CTNNA2: variants seen among roughly 807,000 people sequenced by gnomAD.
CTNNA2 encodes catenin alpha-2.
A neutral mutation model predicts 101.0 loss-of-function variants in CTNNA2; 42 were observed. The ratio of observed to expected loss-of-function variants is 0.42; its 90% CI spans 0.32 to 0.54. The LOEUF (loss-of-function observed/expected upper bound fraction) is 0.54, where lower values mean the gene tolerates loss of function less well. CTNNA2 is among the 20% of genes least tolerant of loss of function. The pLI is 0.14. For missense variants in CTNNA2, 871 were observed against 1,223.1 expected, an observed-to-expected ratio of 0.71 and a Z score of 4.29; for synonymous variants, 450 against 456.4, an observed-to-expected ratio of 0.99 and a Z score of 0.18.
chr2:79,467,673 G>T (rs1670954406), intron 4 of CTNNA2, among the ~76,000 whole-genome samples: 1 of 152,180 alleles, frequency 6.6e-6, no homozygotes, highest in South Asian at 2.1e-4. Context: ...ACTAAGAGCG[G>T]ATCTCTCAGC....
intron 2 of CTNNA2, among the ~76,000 whole-genome samples, chr2:79,251,729 C>A (rs1674772904): frequency 6.6e-6 from 1 of 152,028 alleles, no homozygotes; most frequent in African/African-American, 2.4e-5. Context: ...CTGGGTCCTC[C>A]CCAACTTGGG....
chr2:80,264,954 A>T lies in CTNNA2; in HGVS notation c.1057-128257A>T, dbSNP rs1201158447. Among the ~76,000 whole-genome samples, 5 of 141,196 alleles carry T rather than the reference A, an allele frequency of 3.5e-5. 1 individual carries two copies. The East Asian group carries it at 8.7e-4, about 25-fold the overall frequency. 92.6% of individuals were successfully genotyped at this position (141,196 alleles called of 152,430 possible). ...GACTTTAGTTTATCAATGAGAAAGG[A>T]TAGGGAAGGATAGGGAAGAGGTGTT... On this transcript the variant is annotated intron_variant, in intron 7 of 18. Coordinates refer to ENST00000402739, the MANE Select transcript of CTNNA2 (RefSeq NM_001282597.3).
At chr2:79,380,240 G>A (rs6713159) in intron 4 of CTNNA2, among the ~76,000 whole-genome samples, 113,684 of 151,368 alleles carry the variant, frequency 0.75, 42,979 homozygotes, top group South Asian at 0.83. Flanking sequence ...TAGGGTTGAA[G>A]ATTTTCTGTT....
chr2:80,366,434 A>C (rs1674941122), intron 7 of CTNNA2, among the ~76,000 whole-genome samples: 1 of 152,066 alleles, frequency 6.6e-6, no homozygotes, highest in African/African-American at 2.4e-5. Context: ...GTATGCATGC[A>C]TTTGTTTGTA....
intron 3 of CTNNA2, among the ~76,000 whole-genome samples, chr2:79,372,495 C>A (rs1411734791): frequency 1.3e-5 from 2 of 152,048 alleles, no homozygotes. Flanking sequence ...GCATGTACTT[C>A]TTTATTTTCT....
At chr2:79,642,427 C>T (rs1485405587) in intron 1 of CTNNA2, among the ~76,000 whole-genome samples, 1 of 152,202 alleles carries the variant, frequency 6.6e-6, no homozygotes, top group East Asian at 1.9e-4. Flanking sequence ...ATTACAGCAG[C>T]AGCTTACATC....
At chr2:80,496,710 T>C (rs2149526064) in intron 9 of CTNNA2, among the ~76,000 whole-genome samples, 1 of 152,330 alleles carries the variant, frequency 6.6e-6, no homozygotes, top group Middle Eastern at 3.4e-3. Context: ...CTTATTATAT[T>C]AGTGCTTCAT....
intron 9 of CTNNA2, among the ~76,000 whole-genome samples, chr2:80,447,298 T>C (rs1233652598): frequency 1.3e-5 from 2 of 152,316 alleles, no homozygotes; most frequent in East Asian, 1.9e-4. Context: ...TTGGGTAATA[T>C]GTGTAATGGG....
At chr2:79,356,313 T>G (rs1305149940) in intron 3 of CTNNA2, among the ~76,000 whole-genome samples, 1 of 152,134 alleles carries the variant, frequency 6.6e-6, no homozygotes, top group Non-Finnish European at 1.5e-5. Flanking sequence ...TTATTTTTCT[T>G]GTTAAGTGTA....
intron 2 of CTNNA2, among the ~76,000 whole-genome samples, chr2:79,226,979 A>T (rs13399603): frequency 0.018 from 606 of 33,942 alleles, 5 homozygotes; most frequent in African/African-American, 0.066. Context: ...GGACTCTGGG[A>T]CAAATTTCCT....
chr2:79,919,435 G>A (rs7572401), intron 7 of CTNNA2, among the ~76,000 whole-genome samples: 10,564 of 152,272 alleles, frequency 0.069, 407 homozygotes, highest in Middle Eastern at 0.085. Context: ...CCCTTGAAAG[G>A]TGGTTCGGTC....
chr2:80,167,424 T>TCTCA (rs1420787942), intron 7 of CTNNA2, among the ~76,000 whole-genome samples: 1 of 152,220 alleles, frequency 6.6e-6, no homozygotes, highest in Admixed American at 6.5e-5. Flanking sequence ...GTATGTCTAT[T>TCTCA]CTCAGGGCAA....
intron 3 of CTNNA2, among the ~76,000 whole-genome samples, chr2:79,763,240 C>A (rs1297618329): frequency 2.6e-5 from 4 of 152,118 alleles, no homozygotes; most frequent in African/African-American, 9.7e-5. Context: ...ACCAGTTATT[C>A]CAGATGCAGA....
At chr2:79,276,733 G>A (rs962160974) in intron 2 of CTNNA2, among the ~76,000 whole-genome samples, 19 of 151,720 alleles carry the variant, frequency 1.3e-4, no homozygotes, top group African/African-American at 3.6e-4. Flanking sequence ...TAATCTATGC[G>A]TTTTCTCCTC....
At chr2:79,341,151 C>A (rs1425120479) in intron 3 of CTNNA2, among the ~76,000 whole-genome samples, 2 of 152,032 alleles carry the variant, frequency 1.3e-5, no homozygotes, top group East Asian at 3.9e-4. Flanking sequence ...GAGTTAGGAA[C>A]CCAACTCAGC....
At chr2:80,002,597 G>T (rs531870356) in intron 7 of CTNNA2, among the ~76,000 whole-genome samples, 1 of 152,262 alleles carries the variant, frequency 6.6e-6, no homozygotes, top group African/African-American at 2.4e-5. Flanking sequence ...AAGGATGAAA[G>T]AATTCTGTAG....
intron 6 of CTNNA2, among the ~76,000 whole-genome samples, chr2:79,890,773 C>A (rs552919581): frequency 1.4e-5 from 2 of 147,840 alleles, no homozygotes; most frequent in African/African-American, 2.5e-5. Flanking sequence ...CATTTATAAA[C>A]AATGGTAATT....
At chr2:79,640,954 A>G (rs986637826) in intron 1 of CTNNA2, among the ~76,000 whole-genome samples, 8 of 152,200 alleles carry the variant, frequency 5.3e-5, no homozygotes, top group Non-Finnish European at 8.8e-5. Context: ...TTCAGGGATT[A>G]TGAAGGTGCA....
At chr2:80,561,109 G>T (rs1693548991) in intron 12 of CTNNA2, among the ~76,000 whole-genome samples, 2 of 152,210 alleles carry the variant, frequency 1.3e-5, no homozygotes, top group Admixed American at 6.5e-5. Flanking sequence ...TGATTGGACA[G>T]GTCTGAGTGA....
Sources: gnomAD v4.1 joint callset for allele counts (sites outside exome capture counted in the v4.1 genomes callset) on GRCh38, gnomAD v4.1.1 for gene constraint, MANE v1.5 for transcripts, NCBI Gene and HGNC (gene_info 2026-07-23, HGNC 2026-07-21) for gene names.